Variants in STX8 observed in about 807,000 individuals in gnomAD.
The protein encoded by STX8 is syntaxin 8.
A neutral mutation model predicts 37.5 loss-of-function variants in STX8; 23 were observed. That is an observed-to-expected ratio of 0.61 (90% CI 0.44 to 0.87). The LOEUF is 0.87. Ranked by LOEUF, STX8 falls within the 40% of genes least tolerant of loss-of-function variation. STX8 has a pLI of 0.00. For missense variants in STX8, 313 were observed against 284.7 expected, an observed-to-expected ratio of 1.10 and a Z score of -0.71; for synonymous variants, 115 against 99.1, an observed-to-expected ratio of 1.16 and a Z score of -0.95.
chr17:9,514,620 A>AACAAAACAAAG (rs1219906169), intron 4 of STX8, among the ~76,000 whole-genome samples: 1 of 152,164 alleles, frequency 6.6e-6, no homozygotes, highest in Non-Finnish European at 1.5e-5. Context: ...ACAAAACAAA[A>AACAAAACAAAG]ACAAACAAAA....
At chr17:9,542,980 G>A (rs1222142026) in intron 4 of STX8, among the ~76,000 whole-genome samples, 2 of 152,142 alleles carry the variant, frequency 1.3e-5, no homozygotes, top group African/African-American at 4.8e-5. Context: ...CTGGTGGGAA[G>A]ACTTCAGAGG....
chr17:9,460,901 A>C (rs2142419552), intron 6 of STX8, among the ~76,000 whole-genome samples: 1 of 151,756 alleles, frequency 6.6e-6, no homozygotes. Flanking sequence ...GAATAATAAT[A>C]ATACTAACTT....
At chr17:9,558,799 G>A (rs1907091174) in intron 2 of STX8, among the ~76,000 whole-genome samples, 1 of 151,754 alleles carries the variant, frequency 6.6e-6, no homozygotes, top group Admixed American at 6.6e-5. Flanking sequence ...CTCCAGCCTG[G>A]GCGACAGAGC....
intron 4 of STX8, among the ~76,000 whole-genome samples, chr17:9,526,687 T>C (rs997014287): frequency 6.6e-6 from 1 of 151,606 alleles, no homozygotes; most frequent in African/African-American, 2.4e-5. Context: ...CTGGCCAACA[T>C]GGTGAAACCC....
chr17:9,548,204 A>C (rs1906625492), intron 3 of STX8, among the ~76,000 whole-genome samples: 4 of 152,120 alleles, frequency 2.6e-5, no homozygotes, highest in Admixed American at 2.6e-4. Context: ...TCCAGAGTTT[A>C]AGCAATTCTC....
At chr17:9,379,015 A>AGGGAGGATTGCCTGAGGTC (rs1311498364) in intron 6 of STX8, among the ~76,000 whole-genome samples, 2 of 151,896 alleles carry the variant, frequency 1.3e-5, no homozygotes, top group African/African-American at 4.8e-5. Context: ...AAGGCTGAGG[A>AGGGAGGATTGCCTGAGGTC]GGGAGGATTG....
chr17:9,421,319 G>A (rs1003207590), intron 6 of STX8, among the ~76,000 whole-genome samples: 3 of 148,582 alleles, frequency 2.0e-5, no homozygotes, highest in Non-Finnish European at 4.4e-5. Flanking sequence ...TTGAACCCGC[G>A]AGGCAGAGGT....
chr17:9,508,301 C>G (rs1567590954), intron 4 of STX8, among the ~76,000 whole-genome samples: 1 of 151,988 alleles, frequency 6.6e-6, no homozygotes. Flanking sequence ...TAGAGCTTTA[C>G]CAAAAGACTA....
At chr17:9,538,107 G>A (rs1044746044) in intron 4 of STX8, among the ~76,000 whole-genome samples, 1 of 152,162 alleles carries the variant, frequency 6.6e-6, no homozygotes, top group African/African-American at 2.4e-5. Context: ...GCAGGAAACT[G>A]TAATATTCTT....
intron 1 of STX8, among the ~76,000 whole-genome samples, chr17:9,573,078 A>AAC (rs1907745547): frequency 8.2e-5 from 3 of 36,378 alleles, no homozygotes; most frequent in Non-Finnish European, 1.6e-4. Context: ...CCCACCCCCA[A>AAC]CACCCCCCCC....
At chr17:9,492,993 G>T (rs1173688413) in intron 5 of STX8, among the ~76,000 whole-genome samples, 1 of 152,108 alleles carries the variant, frequency 6.6e-6, no homozygotes, top group African/African-American at 2.4e-5. Context: ...AGCTACTGGG[G>T]AGGCTGAGGC....
intron 6 of STX8, among the ~76,000 whole-genome samples, chr17:9,468,078 G>GTT (rs1567573772): frequency 2.0e-5 from 3 of 152,092 alleles, no homozygotes; most frequent in African/African-American, 7.2e-5. Context: ...TAGAAATAGC[G>GTT]TAGAAACAAT....
intron 6 of STX8, among the ~76,000 whole-genome samples, chr17:9,468,602 C>T (rs554415790): frequency 1.1e-4 from 16 of 152,286 alleles, no homozygotes; most frequent in Middle Eastern, 3.4e-3. Flanking sequence ...GGCACAGAGA[C>T]GCACCACACA....
chr17:9,263,394 G>T (rs1001409273), intron 7 of STX8, among the ~76,000 whole-genome samples: 5 of 151,192 alleles, frequency 3.3e-5, no homozygotes, highest in African/African-American at 1.2e-4. Context: ...GCAGGAGATC[G>T]CTTGAACCTG....
intron 6 of STX8, among the ~76,000 whole-genome samples, chr17:9,463,545 AC>A (rs1167803884): frequency 2.0e-5 from 3 of 151,906 alleles, no homozygotes; most frequent in Non-Finnish European, 2.9e-5. Flanking sequence ...CAGGTGGATC[AC>A]TTGAGGTCAG....
intron 4 of STX8, among the ~76,000 whole-genome samples, chr17:9,536,545 T>A (rs1906065760): frequency 6.6e-6 from 1 of 151,930 alleles, no homozygotes; most frequent in South Asian, 2.1e-4. Context: ...TCAGTCAGAG[T>A]GGGTCAGGAC....
chr17:9,308,232 T>C (rs1909069817), intron 7 of STX8, among the ~76,000 whole-genome samples: 1 of 152,184 alleles, frequency 6.6e-6, no homozygotes, highest in South Asian at 2.1e-4. Context: ...TTCCTCTTGG[T>C]CTGTCTGTGT....
chr17:9,500,862 G>A (rs976376608), intron 5 of STX8, among the ~76,000 whole-genome samples: 12 of 151,982 alleles, frequency 7.9e-5, no homozygotes, highest in East Asian at 1.9e-4. Context: ...AAAATTAGCC[G>A]CGCGTGGTGG....
At chr17:9,428,303 C>T (rs1056673665) in intron 6 of STX8, among the ~76,000 whole-genome samples, 5 of 152,176 alleles carry the variant, frequency 3.3e-5, no homozygotes, top group African/African-American at 9.7e-5. Context: ...GGCAGTGGCG[C>T]GATCTCGGCT....
Sources: gnomAD v4.1 joint callset for allele counts (sites outside exome capture counted in the v4.1 genomes callset) on GRCh38, gnomAD v4.1.1 for gene constraint, MANE v1.5 for transcripts, NCBI Gene and HGNC (gene_info 2026-07-23, HGNC 2026-07-21) for gene names.